Variants in MARVELD3 observed in about 807,000 individuals in gnomAD.
MARVELD3 encodes the protein MARVEL domain containing 3, also known as MARVEL domain-containing protein 3.
A neutral mutation model predicts 33.5 loss-of-function variants in MARVELD3; 28 were observed. That is an observed-to-expected ratio of 0.84 (90% confidence interval 0.62 to 1.15). MARVELD3 has a LOEUF of 1.15. MARVELD3 is among the 50% of genes most tolerant of loss of function. The probability of loss-of-function intolerance (pLI) is 0.00; values close to 1 mark genes in which losing one functional copy is unlikely to be tolerated. For synonymous variants in MARVELD3, 241 were observed against 230.4 expected, an observed-to-expected ratio of 1.05 and a Z score of -0.42; for missense variants, 582 against 547.6, an observed-to-expected ratio of 1.06 and a Z score of -0.63.
chr16:71,629,305 C>T, intron 1 of MARVELD3, 62 bp from the exon 2 acceptor site: 1 of 1,490,768 alleles, frequency 6.7e-7, no homozygotes, highest in East Asian at 2.7e-5. Context: ...GTCAAGAGTT[C>T]TAATCCTGAA....
rs530828609 is a variant in MARVELD3 at position 71,627,632 on chromosome 16, G to C, written c.467+936G>C. 3.3e-5 allele frequency among the ~76,000 whole-genome samples: 5 copies of C among 152,282 alleles called. No individual in the cohort carries two copies. In the South Asian group the frequency reaches 1.0e-3, roughly 32 times the overall value. ...TGCCAGTGAGGTCTCTCTAGGCAGC[G>C]TCATTCGAATCCCACGGCTGCTTGA... On this transcript the variant is annotated intron_variant, in intron 1 of 2. Coordinates refer to ENST00000268485, the MANE Select transcript of MARVELD3 (RefSeq NM_052858.6).
chr16:71,640,605 G>A (rs779623767), downstream of MARVELD3: 42 of 1,614,094 alleles, frequency 2.6e-5, no homozygotes, highest in East Asian at 8.9e-5. Flanking sequence ...ATACGGTGGC[G>A]TGGCTGTTTC....
downstream of MARVELD3, among the ~76,000 whole-genome samples, chr16:71,637,654 G>T (rs1395319054): frequency 6.6e-6 from 1 of 152,168 alleles, no homozygotes; most frequent in African/African-American, 2.4e-5. Context: ...CTGAGTAGCT[G>T]TTGCCTAAGT....
chr16:71,636,998 A>G (rs535600967), downstream of MARVELD3, among the ~76,000 whole-genome samples: 1 of 152,228 alleles, frequency 6.6e-6, no homozygotes, highest in Admixed American at 6.5e-5. Flanking sequence ...CCCACCATAG[A>G]GATAAACTGC....
At position 71,626,482 on chromosome 16, in the gene MARVELD3, C is replaced by A. The variant is rs201459139; in HGVS notation, c.253C>A (p.Pro85Thr). ...RERERERERD[P>T]DRGPRRDTHR... ...GAGGGAGAGAGAGAGGGAAAGAGACCCGGACCGAGGCCCCCGCCGGGACAC... is the reference window on the plus strand; with the variant it reads ...GAGGGAGAGAGAGAGGGAAAGAGACACGGACCGAGGCCCCCGCCGGGACAC... Residue 85 changes from proline (P) to threonine (T), a missense_variant, in exon 1 of 3, where the codon CCG becomes ACG. By Grantham distance (38) the Pro-to-Thr change is conservative (BLOSUM62 -1). Transcript: ENST00000268485. This position sits in a 1 kb window ranked among gnomAD's most constrained non-coding sequence, Gnocchi z 5.3. 545 of 1,549,548 alleles carry A rather than the reference C, an allele frequency of 3.5e-4. 8 individuals are homozygous for A. The Middle Eastern group carries it at 6.8e-3, about 19-fold the overall frequency.
At chr16:71,639,896 C>CGG (rs2044605055), downstream of MARVELD3, among the ~76,000 whole-genome samples, 1 of 152,140 alleles carries the variant, frequency 6.6e-6, no homozygotes, top group Non-Finnish European at 1.5e-5. Flanking sequence ...TTTATGTCCA[C>CGG]GTCTTTGTTT....
At chr16:71,637,608 A>C (rs2044590125), downstream of MARVELD3, among the ~76,000 whole-genome samples, 1 of 152,168 alleles carries the variant, frequency 6.6e-6, no homozygotes, top group Non-Finnish European at 1.5e-5. Flanking sequence ...ACCGCTAGGA[A>C]TTTGTGTGGG....
At chr16:71,640,709 C>G, downstream of MARVELD3, 1 of 1,614,256 alleles carries the variant, frequency 6.2e-7, no homozygotes, top group Admixed American at 1.7e-5. Context: ...CGGAGGCCGC[C>G]TTCAGCCTCC....
rs2044578417 is a variant in MARVELD3, at chr16:71,635,871, G to T, written c.*1068G>T. 1.0e-6 allele frequency: 1 copy of T among 985,244 alleles called. No homozygotes were observed. The highest frequency in any genetic ancestry group is 1.2e-6 in the Non-Finnish European group (1 of 829,934). 61.0% of individuals were successfully genotyped at this position (985,244 alleles called of 1,614,324 possible). On this transcript the variant is annotated 3_prime_UTR_variant, in exon 3 of 3. Transcript: ENST00000268485. ...GATTAATTCTCTGGGTTGCAAAGAG[G>T]CTATTCTGCAAGCCCCTTACAGTGG...
Position 71,634,555 on chromosome 16 carries a change from G to T in MARVELD3, c.958G>T (p.Ala320Ser), listed in dbSNP as rs771249016. The stretch of plus-strand genomic sequence containing the variant: ...GCTCATCGCGGGGGGGTACATCCCG[G>T]CCTTGTACTTCTACTTCCACTACCT... ...DMLIAGGYIP[A>S]LYFYFHYLSA... Residue 320 changes from alanine (A) to serine (S), a missense_variant, in exon 3 of 3, where the codon GCC becomes TCC. Transcript: ENST00000268485. 1.2e-6 allele frequency: 2 copies of T among 1,614,196 alleles called. No homozygotes were observed. Among genetic ancestry groups the T allele is most frequent in the Non-Finnish European group, 1.7e-6 (2 of 1,180,040 alleles).
rs150498655 is a variant in MARVELD3, at chr16:71,634,539, G to C, written c.942G>C (p.Ala314=). ...AAGGCTTGTTGGACATGCTCATCGC[G>C]GGGGGGTACATCCCGGCCTTGTACT... The part of the protein sequence containing the change: ...VTEGLLDMLI[A]GGYIPALYFY... The change falls in exon 3 of 3, where the codon GCG becomes GCC. Residue 314 remains alanine (A), a synonymous_variant. Coordinates refer to ENST00000268485, the MANE Select transcript of MARVELD3 (RefSeq NM_052858.6). 5.3e-4 allele frequency: 862 copies of C among 1,613,948 alleles called. 3 individuals are homozygous for C. The African/African-American group carries it at 0.011, about 20-fold the overall frequency.
chr16:71,639,057 G>GTTTTTTTT, downstream of MARVELD3: 1 of 129,684 alleles, frequency 7.7e-6, no homozygotes, highest in Non-Finnish European at 1.6e-5. Context: ...TTTCAGACTG[G>GTTTTTTTT]TTCTTTTTTT....
In MARVELD3 at chr16:71,626,913, A is replaced by C; in HGVS notation, c.467+217A>C. The C allele has an allele frequency of 2.3e-6, 1 of 438,524 alleles. No homozygotes were observed. The allele number at this position is 438,524 out of a possible 1,614,324, so 27.2% of individuals were successfully genotyped here. On this transcript the variant is annotated intron_variant, in intron 1 of 2. Transcript: ENST00000268485. The surrounding 1 kb of genome is among the most constrained non-coding windows in gnomAD (Gnocchi z 5.3). ...CCTGAACCCAACTAACAAAGCAAAA[A>C]CCACCCCTGTGAGCAGTGGCTGGGC...
At chr16:71,629,994 C>T (rs1163635600) in intron 2 of MARVELD3, among the ~76,000 whole-genome samples, 3 of 151,522 alleles carry the variant, frequency 2.0e-5, no homozygotes, top group Admixed American at 6.6e-5. Flanking sequence ...GTAATCTCAG[C>T]ACTTTGGAAG....
chr16:71,630,748 C>T (rs1051485509), intron 2 of MARVELD3, among the ~76,000 whole-genome samples: 3 of 151,636 alleles, frequency 2.0e-5, no homozygotes, highest in Non-Finnish European at 4.4e-5. Flanking sequence ...CACACAGAAA[C>T]AAAAATGTTG....
chr16:71,640,343 C>G (rs771671430), downstream of MARVELD3: 12 of 1,593,700 alleles, frequency 7.5e-6, no homozygotes, highest in Non-Finnish European at 9.4e-6. Flanking sequence ...CTGGCTTGGC[C>G]TGGGTGAGTA....
In MARVELD3 at chr16:71,635,274, A is replaced by G; in HGVS notation, c.*471A>G. 2.1e-6 allele frequency: 2 copies of G among 930,568 alleles called. No individual in the cohort carries two copies. Among genetic ancestry groups the G allele is most frequent in the Non-Finnish European group, 2.6e-6 (2 of 780,836 alleles). The allele number at this position is 930,568 out of a possible 1,614,324, so 57.6% of individuals were successfully genotyped here. Reference sequence around the variant, plus strand: ...AATCTGGGAGGCGGAGATTGCAGTGAGCCGAGATCCCGCCACTGCACTCCA... The same window carrying G: ...AATCTGGGAGGCGGAGATTGCAGTGGGCCGAGATCCCGCCACTGCACTCCA... On this transcript the variant is annotated 3_prime_UTR_variant, in exon 3 of 3. Coordinates refer to ENST00000268485, the MANE Select transcript of MARVELD3 (RefSeq NM_052858.6).
chr16:71,634,727 G>C lies in MARVELD3; in HGVS notation c.1130G>C (p.Gly377Ala). The C allele has an allele frequency of 6.2e-7, 1 of 1,614,138 alleles. No homozygotes were observed. The highest frequency in any genetic ancestry group is 8.5e-7 in the Non-Finnish European group (1 of 1,180,024). ...CTGGGCATTGTGGTCTTTGCCCTGG[G>C]GGCTGTCCTGGCCATAAAGGGCTAC... is the stretch of plus-strand genomic sequence containing the variant. ...AALGIVVFALGAVLAIKGYRK... is the reference protein window; with the variant it reads ...AALGIVVFALAAVLAIKGYRK... The change falls in exon 3 of 3, where the codon GGG (glycine) becomes GCG (alanine). Residue 377 changes from glycine to alanine, a missense_variant. By Grantham distance (60) the Gly-to-Ala change is moderately conservative. Coordinates refer to ENST00000268485, the MANE Select transcript of MARVELD3 (RefSeq NM_052858.6).
intron 2 of MARVELD3, among the ~76,000 whole-genome samples, chr16:71,632,162 TGA>T (rs1362248843): frequency 2.0e-5 from 3 of 152,218 alleles, no homozygotes; most frequent in Non-Finnish European, 4.4e-5. Context: ...TAGTTTCTAA[TGA>T]GAGAGGGCTG....
Sources: allele counts gnomAD v4.1 joint callset (sites outside exome capture counted in the v4.1 genomes callset), GRCh38; gene constraint gnomAD v4.1.1; non-coding constraint Gnocchi (gnomAD v3.1); transcripts MANE v1.5; gene names NCBI Gene and HGNC (gene_info 2026-07-23, HGNC 2026-07-21).